PCDHGC3: variants seen among roughly 807,000 people sequenced by gnomAD.
PCDHGC3 encodes the protein protocadherin gamma subfamily C, 3, also known as protocadherin gamma-C3.
Under a neutral mutation model 59.2 loss-of-function variants are expected in PCDHGC3, and 26 were observed. The observed-to-expected ratio is 0.44, with a 90% CI of 0.32 to 0.61. The LOEUF (loss-of-function observed/expected upper bound fraction) is 0.61, where lower values mean the gene tolerates loss of function less well. Among genes scored for constraint, PCDHGC3 ranks in the 20% least tolerant of loss-of-function variants. The pLI is 0.05. For missense variants in PCDHGC3, 1,080 were observed against 1,221.8 expected (o/e 0.88, Z 1.73); for synonymous variants, 487 against 519.7 (o/e 0.94, Z 0.86).
intron 2 of PCDHGC3, 50 bp from the exon 3 acceptor site, chr5:141,505,343 G>A: frequency 1.9e-6 from 3 of 1,612,934 alleles, no homozygotes; most frequent in Non-Finnish European, 2.5e-6. Flanking sequence ...GGAGGGGCAT[G>A]AGCTGTGCCG....
rs200045647 is a variant in PCDHGC3, at chr5:141,490,150, G to A, written c.2431-4657G>A. 50 of 1,614,246 alleles carry A rather than the reference G, an allele frequency of 3.1e-5. No individual in the cohort carries two copies. The Admixed American group carries it at 7.7e-4, about 25-fold the overall frequency. On this transcript the variant is annotated intron_variant, in intron 1 of 3. Transcript: ENST00000308177. The surrounding 1 kb of genome is among the most constrained non-coding windows in gnomAD (Gnocchi z 5.4). ...AGACCCTAGCAGTGGGGCAATCCAT[G>A]TGTTGGGTCCCATAGACTTTGAGGA...
chr5:141,478,270 C>G lies in PCDHGC3; in HGVS notation c.2154C>G (p.Tyr718Ter), dbSNP rs1347709530. The change falls in exon 1 of 4, where the codon TAC (tyrosine) becomes TAG (stop). Residue 718 changes from tyrosine (Y) to a stop codon, truncating the protein, a stop_gained. Transcript: ENST00000308177. LOFTEE classifies it high-confidence loss of function. ...TCGGAGTAATCATATTCAAAGTTTACAAGTGGAAGCAGTCTAGAGACCTAT... is the reference window on the plus strand; with the variant it reads ...TCGGAGTAATCATATTCAAAGTTTAGAAGTGGAAGCAGTCTAGAGACCTAT... ...TVFGVIIFKV[Y>*]KWKQSRDLYR... The G allele has an allele frequency of 5.6e-6, 9 of 1,614,078 alleles. No individual in the cohort carries two copies. The highest frequency in any genetic ancestry group is 6.8e-6 in the Non-Finnish European group (8 of 1,180,058).
At chr5:141,502,961 A>G (rs886622146) in intron 2 of PCDHGC3, among the ~76,000 whole-genome samples, 3 of 146,786 alleles carry the variant, frequency 2.0e-5, no homozygotes, top group Non-Finnish European at 4.4e-5. Context: ...CTCCTGCCTC[A>G]GCCTCCCAAG....
Position 141,491,307 on chromosome 5 carries a change from C to CCTTA in PCDHGC3, c.2431-3498_2431-3495dup. On this transcript the variant is annotated intron_variant, in intron 1 of 3. Transcript: ENST00000308177. The surrounding 1 kb of genome is among the most constrained non-coding windows in gnomAD (Gnocchi z 6.9). ...TCATACACCCTCCTGAGCGTTCAGA[C>CCTTA]CTTACCCTTTACCTCATTGTGGCTC... 1 of 1,614,152 alleles carries CCTTA rather than the reference C, an allele frequency of 6.2e-7. No individual in the cohort carries two copies. Among genetic ancestry groups the CCTTA allele is most frequent in the Non-Finnish European group, 8.5e-7 (1 of 1,179,986 alleles).
Position 141,491,793 on chromosome 5 carries a change from C to A in PCDHGC3, c.2431-3014C>A. 6.6e-7 allele frequency: 1 copy of A among 1,511,410 alleles called. No homozygotes were observed. The highest frequency in any genetic ancestry group is 1.3e-5 in the South Asian group (1 of 77,572). The allele number at this position is 1,511,410 out of a possible 1,614,324, so 93.6% of individuals were successfully genotyped here. On this transcript the variant is annotated intron_variant, in intron 1 of 3. Coordinates refer to ENST00000308177, the MANE Select transcript of PCDHGC3 (RefSeq NM_002588.4). This position sits in a 1 kb window ranked among gnomAD's most constrained non-coding sequence, Gnocchi z 6.9. ...AGGGATTGAACTTGCATCCACTCCT[C>A]TCCGGCCGGCTTGGTCGCTGGCTGC...
At chr5:141,510,366 T>A (rs1452829030) in intron 3 of PCDHGC3, among the ~76,000 whole-genome samples, 1 of 140,062 alleles carries the variant, frequency 7.1e-6, no homozygotes, top group Non-Finnish European at 1.6e-5. Context: ...AACTACCGAA[T>A]CTCTACTCGT....
intron 2 of PCDHGC3, among the ~76,000 whole-genome samples, chr5:141,502,500 G>A (rs1398797155): frequency 6.6e-6 from 1 of 152,046 alleles, no homozygotes; most frequent in Non-Finnish European, 1.5e-5. Context: ...ATCTAACGTC[G>A]GCCTGTCCCA....
chr5:141,478,167 G>A lies in PCDHGC3; in HGVS notation c.2051G>A (p.Arg684Gln). ...RAEFPSGSAP[R>Q]EQKKNLTFYL... ...GAGTTCCCCTCTGGCTCTGCCCCCC[G>A]GGAGCAGAAAAAAAATCTCACCTTT... The change falls in exon 1 of 4, where the codon CGG becomes CAG. Residue 684 changes from arginine to glutamine, a missense_variant. Coordinates refer to ENST00000308177, the MANE Select transcript of PCDHGC3 (RefSeq NM_002588.4). The A allele has an allele frequency of 6.2e-7, 1 of 1,613,772 alleles. No individual in the cohort carries two copies. The highest frequency in any genetic ancestry group is 8.5e-7 in the Non-Finnish European group (1 of 1,180,016).
At chr5:141,500,241 C>T (rs1284996879) in intron 2 of PCDHGC3, among the ~76,000 whole-genome samples, 18 of 150,770 alleles carry the variant, frequency 1.2e-4, no homozygotes, top group Non-Finnish European at 1.5e-5. Flanking sequence ...CGTAGCCTTG[C>T]TCTGTCACCC....
chr5:141,507,495 G>A (rs375483743), intron 3 of PCDHGC3, among the ~76,000 whole-genome samples: 5 of 152,352 alleles, frequency 3.3e-5, no homozygotes, highest in East Asian at 3.9e-4. Flanking sequence ...AGGCAGAGCT[G>A]TCCCAGGTCT....
intron 3 of PCDHGC3, among the ~76,000 whole-genome samples, chr5:141,508,930 T>A (rs2099873149): frequency 6.6e-6 from 1 of 151,836 alleles, no homozygotes; most frequent in African/African-American, 2.4e-5. Context: ...CTTTTGGAGT[T>A]AATTAGGGAA....
At chr5:141,499,212 G>A (rs904920940) in intron 2 of PCDHGC3, among the ~76,000 whole-genome samples, 1 of 151,898 alleles carries the variant, frequency 6.6e-6, no homozygotes, top group African/African-American at 2.4e-5. Context: ...TGTAACCCAG[G>A]CCCTGCCCTG....
rs1364415249 is a variant in PCDHGC3 at position 141,489,240 on chromosome 5, C to A, written c.2431-5567C>A. The stretch of plus-strand genomic sequence containing the variant: ...ACTCTCCACAAAGGGACTTCTGGGT[C>A]ATGGGGCCCAAGACACTCCCACAGC... On this transcript the variant is annotated intron_variant, in intron 1 of 3. Coordinates refer to ENST00000308177, the MANE Select transcript of PCDHGC3 (RefSeq NM_002588.4). The surrounding 1 kb of genome is among the most constrained non-coding windows in gnomAD (Gnocchi z 4.5). 1 of 1,534,136 alleles carries A rather than the reference C, an allele frequency of 6.5e-7. No individual in the cohort carries two copies. Among genetic ancestry groups the A allele is most frequent in the South Asian group, 1.3e-5 (1 of 76,896 alleles).
At position 141,478,208 on chromosome 5, in the gene PCDHGC3, C is replaced by G. The variant is rs200735608; in HGVS notation, c.2092C>G (p.Leu698Val). The G allele has an allele frequency of 2.5e-6, 4 of 1,614,096 alleles. No individual in the cohort carries two copies. The East Asian group carries it at 8.9e-5, about 36-fold the overall frequency. ...TCTCACCTTTTATCTACTTCTTTCTCTAATCCTGGTTTCTGTGGGGTTTGT... is the reference window on the plus strand; with the variant it reads ...TCTCACCTTTTATCTACTTCTTTCTGTAATCCTGGTTTCTGTGGGGTTTGT... ...KNLTFYLLLS[L>V]ILVSVGFVVT... Residue 698 changes from leucine (L) to valine (V), a missense_variant, in exon 1 of 4, where the codon CTA becomes GTA. Physicochemically the swap from Leu to Val is conservative, Grantham distance 32 (BLOSUM62 1). Coordinates refer to ENST00000308177, the MANE Select transcript of PCDHGC3 (RefSeq NM_002588.4).
At chr5:141,497,722 T>C (rs1395904793) in intron 2 of PCDHGC3, among the ~76,000 whole-genome samples, 1 of 152,030 alleles carries the variant, frequency 6.6e-6, no homozygotes, top group Non-Finnish European at 1.5e-5. Flanking sequence ...GTATTTTTAG[T>C]AGAGATGGGT....
In PCDHGC3 at chr5:141,489,327, G is replaced by A; in HGVS notation, c.2431-5480G>A. The A allele has an allele frequency of 6.2e-7, 1 of 1,603,940 alleles. No individual in the cohort carries two copies. Among genetic ancestry groups the A allele is most frequent in the South Asian group, 1.1e-5 (1 of 89,400 alleles). ...TGTGCTGCTGGGGCTGGGTGTCTGG[G>A]CAGCTTCGTTACTCAGTGGTGGAGG... is the stretch of plus-strand genomic sequence containing the variant. On this transcript the variant is annotated intron_variant, in intron 1 of 3. Transcript: ENST00000308177. This position sits in a 1 kb window ranked among gnomAD's most constrained non-coding sequence, Gnocchi z 4.5.
intron 1 of PCDHGC3, among the ~76,000 whole-genome samples, chr5:141,480,339 T>A (rs764049837): frequency 1.3e-4 from 20 of 152,010 alleles, no homozygotes; most frequent in Non-Finnish European, 2.4e-4. Context: ...TGCTTGAGCC[T>A]GGGAGGTTGA....
Position 141,512,931 on chromosome 5 carries a change from C to T in PCDHGC3, c.*1758C>T, listed in dbSNP as rs2099884512. On this transcript the variant is annotated 3_prime_UTR_variant, in exon 4 of 4. Transcript: ENST00000308177. ...GTTTTATACTCTAATATTTATATGG[C>T]TTTTTTTCTTCGACAAAAAAATAAT... The T allele has an allele frequency of 6.6e-6, 1 of 152,006 alleles. No homozygotes were observed. The highest frequency in any genetic ancestry group is 2.4e-5 in the African/African-American group (1 of 41,414). The allele number at this position is 152,006 out of a possible 1,614,324, so 9.4% of individuals were successfully genotyped here.
chr5:141,492,719 C>A (rs1367632029), intron 1 of PCDHGC3, among the ~76,000 whole-genome samples: 1 of 152,280 alleles, frequency 6.6e-6, no homozygotes, highest in Non-Finnish European at 1.5e-5. Context: ...AGCAGGCGGA[C>A]AGGCAGAGCT....
Sources: allele counts gnomAD v4.1 joint callset (sites outside exome capture counted in the v4.1 genomes callset), GRCh38; gene constraint gnomAD v4.1.1; non-coding constraint Gnocchi (gnomAD v3.1); transcripts MANE v1.5; gene names NCBI Gene and HGNC (gene_info 2026-07-23, HGNC 2026-07-21).